The following MCPH1 variants were observed in gnomAD, a reference collection of about 807,000 sequenced individuals.
MCPH1 encodes the protein microcephalin.
A neutral mutation model predicts 84.5 loss-of-function variants in MCPH1; 104 were observed. That is an observed-to-expected ratio of 1.23 (90% CI 1.05 to 1.45). MCPH1 has a LOEUF of 1.45. MCPH1 is among the 40% of genes most tolerant of loss of function. The pLI is 0.00. For synonymous variants in MCPH1, 514 were observed against 366.8 expected (o/e 1.40, Z -4.58); for missense variants, 1,498 against 1,005.7 (o/e 1.49, Z -6.62).
chr8:6,408,048 C>G (rs1330366801), intron 1 of MCPH1, among the ~76,000 whole-genome samples: 1 of 152,174 alleles, frequency 6.6e-6, no homozygotes, highest in African/African-American at 2.4e-5. Flanking sequence ...GCCACAAAGC[C>G]TGAAATATTT....
At chr8:6,508,546 C>G (rs1050935943) in intron 12 of MCPH1, 1 of 301,320 alleles carries the variant, frequency 3.3e-6, no homozygotes, top group Non-Finnish European at 6.0e-6. Flanking sequence ...GGAAATATTT[C>G]TATAATCTAT....
At position 6,445,397 on chromosome 8, in the gene MCPH1, A is replaced by C; in HGVS notation, c.1675A>C (p.Lys559Gln). The C allele has an allele frequency of 1.9e-6, 3 of 1,614,272 alleles. No homozygotes were observed. Among genetic ancestry groups the C allele is most frequent in the Non-Finnish European group, 2.5e-6 (3 of 1,180,052 alleles). ...AGAAATGAAAGAAGCGGTTGGTCTG[A>C]AAAGCACACAGAACAAAGGTACCAC... The part of the protein sequence containing the change: ...LEEMKEAVGL[K>Q]STQNKGTTSK... The change falls in exon 8 of 14, where the codon AAA (lysine) becomes CAA (glutamine). Residue 559 changes from lysine to glutamine, a missense_variant. By Grantham distance (53) the Lys-to-Gln change is moderately conservative. Coordinates refer to ENST00000344683, the MANE Select transcript of MCPH1 (RefSeq NM_024596.5).
chr8:6,635,585 C>G (rs535641007), intron 13 of MCPH1, among the ~76,000 whole-genome samples: 2 of 151,854 alleles, frequency 1.3e-5, no homozygotes, highest in Non-Finnish European at 2.9e-5. Context: ...ACAGCGAGGC[C>G]CTGTCTCAAA....
chr8:6,424,722 G>C (rs748133023), intron 3 of MCPH1, among the ~76,000 whole-genome samples: 2 of 152,234 alleles, frequency 1.3e-5, no homozygotes, highest in Non-Finnish European at 2.9e-5. Flanking sequence ...TGGGCTCTAG[G>C]TTCCTCCAGT....
chr8:6,537,669 G>A (rs1432892847), intron 12 of MCPH1, among the ~76,000 whole-genome samples: 2 of 151,964 alleles, frequency 1.3e-5, no homozygotes, highest in African/African-American at 2.4e-5. Context: ...AGGTCCATTT[G>A]TGAGGCAACT....
intron 11 of MCPH1, among the ~76,000 whole-genome samples, chr8:6,485,098 G>A (rs770952823): frequency 3.3e-5 from 5 of 152,154 alleles, no homozygotes; most frequent in Admixed American, 1.3e-4. Context: ...AGGCCGAGGC[G>A]TGTGGATCAC....
chr8:6,556,824 A>G (rs999058312), intron 12 of MCPH1, among the ~76,000 whole-genome samples: 1 of 151,964 alleles, frequency 6.6e-6, no homozygotes, highest in Admixed American at 6.6e-5. Context: ...CCTGGCCTCA[A>G]AGTGTCTTCC....
At chr8:6,407,450 C>T (rs1372962136) in intron 1 of MCPH1, among the ~76,000 whole-genome samples, 1 of 152,092 alleles carries the variant, frequency 6.6e-6, no homozygotes, top group African/African-American at 2.4e-5. Context: ...GAGCTGCTGT[C>T]CTAACCAGTA....
chr8:6,468,556 A>G (rs1424701594), intron 9 of MCPH1, among the ~76,000 whole-genome samples: 4 of 152,042 alleles, frequency 2.6e-5, no homozygotes, highest in African/African-American at 4.8e-5. Flanking sequence ...AGTTTGCTAG[A>G]TGAAACATCT....
intron 3 of MCPH1, among the ~76,000 whole-genome samples, chr8:6,417,785 A>C (rs1799529803): frequency 6.6e-6 from 1 of 152,018 alleles, no homozygotes; most frequent in South Asian, 2.1e-4. Flanking sequence ...GATAATTTTG[A>C]GGTTGGTATC....
rs1237217514 is a variant in MCPH1, at chr8:6,415,013, G to T, written c.233+130G>T. On this transcript the variant is annotated intron_variant, in intron 3 of 13. Transcript: ENST00000344683. ...TTTTCTCTGCCTCTTACCTCACCTAGTAATTTGAAATCCTCCAGCCTCAAT... is the reference window on the plus strand; with the variant it reads ...TTTTCTCTGCCTCTTACCTCACCTATTAATTTGAAATCCTCCAGCCTCAAT... 4 of 786,520 alleles carry T rather than the reference G, an allele frequency of 5.1e-6. No individual in the cohort carries two copies. In the Admixed American group the frequency reaches 1.2e-4, roughly 23 times the overall value. 48.7% of individuals were successfully genotyped at this position (786,520 alleles called of 1,614,324 possible).
chr8:6,411,123 G>A (rs560503410), intron 2 of MCPH1, among the ~76,000 whole-genome samples: 5 of 152,204 alleles, frequency 3.3e-5, no homozygotes, highest in African/African-American at 9.6e-5. Flanking sequence ...AGTAGGATCC[G>A]ATGGTGAAGA....
intron 10 of MCPH1, 141 bp downstream of exon 10, chr8:6,477,772 A>G: frequency 1.4e-6 from 1 of 731,632 alleles, no homozygotes; most frequent in South Asian, 1.6e-5. Context: ...GAGTTAGAAG[A>G]TCACTGAAAA....
At chr8:6,418,431 G>C (rs905546677) in intron 3 of MCPH1, among the ~76,000 whole-genome samples, 1 of 152,056 alleles carries the variant, frequency 6.6e-6, no homozygotes, top group African/African-American at 2.4e-5. Flanking sequence ...AGGACGTATA[G>C]CTTATAGTTC....
At chr8:6,490,844 T>A (rs1048576354) in intron 11 of MCPH1, among the ~76,000 whole-genome samples, 1 of 152,034 alleles carries the variant, frequency 6.6e-6, no homozygotes, top group African/African-American at 2.4e-5. Context: ...GTTTTTTAGT[T>A]CTTTTTCTTG....
Position 6,473,890 on chromosome 8 carries a change from A to T in MCPH1, c.1936-3704A>T. Reference sequence around the variant, plus strand: ...ACTGCTCAATCCATTTCAAGATCTGATCTACATTATTTTCTAGCTCTTCTG... The same window carrying T: ...ACTGCTCAATCCATTTCAAGATCTGTTCTACATTATTTTCTAGCTCTTCTG... On this transcript the variant is annotated intron_variant, in intron 9 of 13. Transcript: ENST00000344683. 2.0e-6 allele frequency: 3 copies of T among 1,529,774 alleles called. No individual in the cohort carries two copies. The South Asian group carries it at 3.9e-5, about 20-fold the overall frequency. The allele number at this position is 1,529,774 out of a possible 1,614,324, so 94.8% of individuals were successfully genotyped here.
At chr8:6,412,784 T>G (rs1798723330) in intron 2 of MCPH1, among the ~76,000 whole-genome samples, 1 of 152,214 alleles carries the variant, frequency 6.6e-6, no homozygotes, top group South Asian at 2.1e-4. Flanking sequence ...CTTAATTGCC[T>G]TGATAGCTCC....
rs1216361164 is a variant in MCPH1 at position 6,409,251 on chromosome 8, A to T, written c.23-28A>T. On this transcript the variant is annotated intron_variant, in intron 1 of 13. Transcript: ENST00000344683. ...CAGGGGATGCTGGAATTTCAAATGT[A>T]TGTTTCATGTTCATATCTTGTTTTC... 6 of 1,554,900 alleles carry T rather than the reference A, an allele frequency of 3.9e-6. No individual in the cohort carries two copies. The African/African-American group carries it at 5.4e-5, about 14-fold the overall frequency.
intron 3 of MCPH1, among the ~76,000 whole-genome samples, chr8:6,419,544 C>G (rs555510657): frequency 6.8e-6 from 1 of 147,188 alleles, no homozygotes; most frequent in African/African-American, 2.5e-5. Flanking sequence ...AGGCGCCCAC[C>G]ACCACACCTG....
Sources: gnomAD v4.1 joint callset for allele counts (sites outside exome capture counted in the v4.1 genomes callset) on GRCh38, gnomAD v4.1.1 for gene constraint, MANE v1.5 for transcripts, NCBI Gene and HGNC (gene_info 2026-07-23, HGNC 2026-07-21) for gene names.